Variants in PCDH11X observed in about 807,000 individuals in gnomAD.
PCDH11X encodes protocadherin-11 X-linked.
A neutral mutation model predicts 53.3 loss-of-function variants in PCDH11X; 18 were observed. The observed-to-expected ratio is 0.34, with a 90% CI of 0.23 to 0.50. The LOEUF is 0.50. PCDH11X is among the 20% of genes least tolerant of loss of function. The probability of loss-of-function intolerance (pLI) is 0.98; values close to 1 mark genes in which losing one functional copy is unlikely to be tolerated. For synonymous variants in PCDH11X, 279 were observed against 393.3 expected (o/e 0.71, Z 3.44); for missense variants, 570 against 1,032.4 (o/e 0.55, Z 6.14).
At chrX:92,573,937 G>T (rs1428020511) in intron 10 of PCDH11X, among the ~76,000 whole-genome samples, 1 of 110,853 alleles carries the variant, frequency 9.0e-6, no homozygotes, top group Non-Finnish European at 1.9e-5. Context: ...AATGCTGTTA[G>T]GTATGATTCG....
intron 8 of PCDH11X, among the ~76,000 whole-genome samples, chrX:92,377,237 A>C (rs1029512731): frequency 1.8e-5 from 2 of 111,800 alleles, no homozygotes; most frequent in Admixed American, 9.6e-5. Flanking sequence ...TGGAAGGCTC[A>C]TTGCATTTAA....
At chrX:91,999,513 G>A (rs2062474056) in intron 6 of PCDH11X, among the ~76,000 whole-genome samples, 1 of 111,118 alleles carries the variant, frequency 9.0e-6, no homozygotes, top group South Asian at 3.8e-4. Context: ...ACATGAAAAT[G>A]TTCAAAATTG....
rs1301038445 is a variant in PCDH11X at position 92,299,766 on chromosome X, A to G, written c.3144+36623A>G. On this transcript the variant is annotated intron_variant, in intron 8 of 10. Coordinates refer to ENST00000682573, the MANE Select transcript of PCDH11X (RefSeq NM_032968.5). ...TTTTTTTCAAAGAACCAACTCCTGCATTCATTAATGTTTTTTATGGTTTTT... is the reference window on the plus strand; with the variant it reads ...TTTTTTTCAAAGAACCAACTCCTGCGTTCATTAATGTTTTTTATGGTTTTT... Among the ~76,000 whole-genome samples the G allele has an allele frequency of 5.4e-5, 6 of 110,670 alleles. 1 individual carries two copies. Among genetic ancestry groups the G allele is most frequent in the Non-Finnish European group, 3.8e-5 (2 of 52,939 alleles).
intron 7 of PCDH11X, among the ~76,000 whole-genome samples, chrX:92,213,125 A>T: frequency 8.9e-6 from 1 of 112,056 alleles, no homozygotes; most frequent in Middle Eastern, 4.6e-3. Context: ...GACTAAATAT[A>T]AAAAAATCAA....
intron 10 of PCDH11X, among the ~76,000 whole-genome samples, chrX:92,568,377 G>C (rs1282771826): frequency 1.8e-5 from 2 of 108,610 alleles, no homozygotes; most frequent in Non-Finnish European, 3.8e-5. Flanking sequence ...AGCCGAGATG[G>C]CGCCACTGCA....
At chrX:92,313,424 TC>T (rs11332718) in intron 8 of PCDH11X, among the ~76,000 whole-genome samples, 24,895 of 110,164 alleles carry the variant, frequency 0.23, 2,145 homozygotes, top group Non-Finnish European at 0.23. Flanking sequence ...ATTATACACT[TC>T]CTTCACATTA....
intron 10 of PCDH11X, among the ~76,000 whole-genome samples, chrX:92,591,658 TG>T (rs1186236481): frequency 9.0e-6 from 1 of 111,273 alleles, no homozygotes; most frequent in Non-Finnish European, 1.9e-5. Flanking sequence ...TACTCTCTTT[TG>T]GGCCTGTATC....
At position 92,215,070 on chromosome X, in the gene PCDH11X, A is replaced by C. The variant is rs749513222; in HGVS notation, c.3114+13615A>C. Among the ~76,000 whole-genome samples the C allele has an allele frequency of 4.5e-5, 5 of 111,370 alleles. No individual in the cohort carries two copies. In the South Asian group the frequency reaches 1.9e-3, roughly 42 times the overall value. ...ACTAAAAAGAAAACACTGGGGAAGC[A>C]GCCAAGATGGCCGAATAGGAACAGC... On this transcript the variant is annotated intron_variant, in intron 7 of 10. Transcript: ENST00000682573.
intron 6 of PCDH11X, among the ~76,000 whole-genome samples, chrX:92,147,984 C>CCTTCCTTTCTTT (rs1396586818): frequency 1.4e-5 from 1 of 72,103 alleles, no homozygotes; most frequent in African/African-American, 7.9e-5. Context: ...TTCCTTCCTT[C>CCTTCCTTTCTTT]CTTTCTTTCT....
At chrX:92,173,673 T>A (rs2065857515) in intron 6 of PCDH11X, among the ~76,000 whole-genome samples, 1 of 110,614 alleles carries the variant, frequency 9.0e-6, no homozygotes, top group Non-Finnish European at 1.9e-5. Flanking sequence ...CAAAATGTAT[T>A]TTGTAATTTT....
At chrX:92,169,263 A>G (rs1235952658) in intron 6 of PCDH11X, among the ~76,000 whole-genome samples, 1 of 75,344 alleles carries the variant, frequency 1.3e-5, no homozygotes, top group Non-Finnish European at 2.9e-5. Context: ...TCCAGTGAGT[A>G]AAATAATATA....
At chrX:92,277,489 ATGGAGGG>A (rs1387772447) in intron 8 of PCDH11X, among the ~76,000 whole-genome samples, 2 of 107,916 alleles carry the variant, frequency 1.9e-5, no homozygotes, top group African/African-American at 6.7e-5. Flanking sequence ...AGAAGGAGGA[ATGGAGGG>A]TGGAAGGTTG....
At chrX:92,313,475 G>T (rs2069000053) in intron 8 of PCDH11X, among the ~76,000 whole-genome samples, 1 of 110,914 alleles carries the variant, frequency 9.0e-6, no homozygotes, top group Admixed American at 9.6e-5. Context: ...CCTTACATTT[G>T]AATATCTTCT....
chrX:92,446,193 A>G (rs1340512017), intron 9 of PCDH11X, among the ~76,000 whole-genome samples: 1 of 110,613 alleles, frequency 9.0e-6, no homozygotes, highest in African/African-American at 3.3e-5. Flanking sequence ...GTATCAACCA[A>G]TATTTTAAAT....
At chrX:91,922,137 A>G in intron 6 of PCDH11X, among the ~76,000 whole-genome samples, 1 of 111,870 alleles carries the variant, frequency 8.9e-6, no homozygotes, top group Non-Finnish European at 1.9e-5. Flanking sequence ...TTATTAAATT[A>G]GACATTTTGG....
chrX:91,900,442 G>A (rs1322931871), intron 6 of PCDH11X, among the ~76,000 whole-genome samples: 1 of 108,999 alleles, frequency 9.2e-6, no homozygotes, highest in Non-Finnish European at 1.9e-5. Context: ...TTGATTCCTG[G>A]ACCTGTGAAT....
intron 6 of PCDH11X, among the ~76,000 whole-genome samples, chrX:92,064,114 G>A (rs1165578701): frequency 2.9e-5 from 3 of 103,139 alleles, no homozygotes; most frequent in Non-Finnish European, 5.9e-5. Context: ...TGGTGTTCTT[G>A]GGTGAACTTG....
chrX:92,584,691 G>C (rs1362758225), intron 10 of PCDH11X, among the ~76,000 whole-genome samples: 1 of 105,929 alleles, frequency 9.4e-6, no homozygotes, highest in African/African-American at 3.5e-5. Context: ...ATTTATGAAA[G>C]AAAGGATAAC....
chrX:91,949,730 TATTTATATTTGAGA>T (rs1424018861), intron 6 of PCDH11X, among the ~76,000 whole-genome samples: 1 of 111,238 alleles, frequency 9.0e-6, no homozygotes, highest in Admixed American at 9.6e-5. Context: ...AATGATTTTA[TATTTATATTTGAGA>T]ATTTATATTT....
Sources: gnomAD v4.1 joint callset for allele counts (sites outside exome capture counted in the v4.1 genomes callset) on GRCh38, gnomAD v4.1.1 for gene constraint, MANE v1.5 for transcripts, NCBI Gene and HGNC (gene_info 2026-07-23, HGNC 2026-07-21) for gene names.